MCC: variants seen among roughly 807,000 people sequenced by gnomAD.
MCC encodes colorectal mutant cancer protein.
A neutral mutation model predicts 116.2 loss-of-function variants in MCC; 90 were observed. The ratio of observed to expected loss-of-function variants is 0.77; its 90% confidence interval spans 0.65 to 0.92. The LOEUF (loss-of-function observed/expected upper bound fraction) is 0.92, where lower values mean the gene tolerates loss of function less well. Ranked by LOEUF, MCC falls within the 40% of genes least tolerant of loss-of-function variation. The probability of loss-of-function intolerance (pLI) is 0.00; values close to 1 mark genes in which losing one functional copy is unlikely to be tolerated. For missense variants in MCC, 1,516 were observed against 1,312.2 expected (o/e 1.16, Z -2.40); for synonymous variants, 578 against 510.5 (o/e 1.13, Z -1.78).
At chr5:113,361,335 T>C (rs1768543082) in intron 2 of MCC, among the ~76,000 whole-genome samples, 1 of 152,146 alleles carries the variant, frequency 6.6e-6, no homozygotes, top group Admixed American at 6.5e-5. Flanking sequence ...TTCTCATCTT[T>C]ATTATATTCT....
intron 3 of MCC, among the ~76,000 whole-genome samples, chr5:113,235,527 T>C (rs576754077): frequency 6.6e-6 from 1 of 152,324 alleles, no homozygotes; most frequent in Non-Finnish European, 1.5e-5. Flanking sequence ...TCCAACTCTA[T>C]CATGCATACA....
intron 11 of MCC, among the ~76,000 whole-genome samples, chr5:113,077,341 A>C (rs560870649): frequency 6.6e-6 from 1 of 152,328 alleles, no homozygotes; most frequent in African/African-American, 2.4e-5. Flanking sequence ...ACCCCAAATC[A>C]ACAGAATATA....
chr5:113,407,307 G>A lies in MCC; in HGVS notation c.171-22095C>T, dbSNP rs1446110721. Among the ~76,000 whole-genome samples the A allele has an allele frequency of 2.6e-5, 4 of 152,172 alleles. No individual in the cohort carries two copies. The South Asian group carries it at 6.2e-4, about 24-fold the overall frequency. On this transcript the variant is annotated intron_variant, in intron 1 of 18. Coordinates refer to ENST00000408903, the MANE Select transcript of MCC (RefSeq NM_001085377.2). ...TGTTAAAAAATGAAAACACTTTAAG[G>A]AGAAACTGGGTGGTAAGTGTATTAT...
At position 113,257,857 on chromosome 5, in the gene MCC, G is replaced by A. The variant is rs547192801; in HGVS notation, c.627+82662C>T. 8.5e-5 allele frequency among the ~76,000 whole-genome samples: 13 copies of A among 152,246 alleles called. No individual in the cohort carries two copies. The East Asian group carries it at 1.4e-3, about 16-fold the overall frequency. Reference sequence around the variant, plus strand: ...ACATGTTCCCGAGGGAGGGGAAAGCGTTCTATCTAGAGCACAGGTATAGAA... The same window carrying A: ...ACATGTTCCCGAGGGAGGGGAAAGCATTCTATCTAGAGCACAGGTATAGAA... On this transcript the variant is annotated intron_variant, in intron 3 of 18. Transcript: ENST00000408903.
At chr5:113,443,991 T>TTGTGTGTGTGTG (rs34145955) in intron 1 of MCC, among the ~76,000 whole-genome samples, 6,224 of 143,984 alleles carry the variant, frequency 0.043, 259 homozygotes, top group African/African-American at 0.093. Context: ...CTCGGCTAAT[T>TTGTGTGTGTGTG]TGTGTGTGTG....
At chr5:113,331,369 TC>T (rs1285661954) in intron 3 of MCC, among the ~76,000 whole-genome samples, 5 of 151,704 alleles carry the variant, frequency 3.3e-5, no homozygotes, top group Non-Finnish European at 7.3e-5. Context: ...CAGCAGCTGT[TC>T]CTTCTCTTGC....
chr5:113,084,633 G>A (rs1191931445), intron 9 of MCC, among the ~76,000 whole-genome samples: 8 of 152,240 alleles, frequency 5.3e-5, no homozygotes, highest in African/African-American at 1.4e-4. Flanking sequence ...TACCAGGCAA[G>A]CCAACAGGCA....
intron 1 of MCC, among the ~76,000 whole-genome samples, chr5:113,477,584 A>G (rs550549022): frequency 1.3e-5 from 2 of 152,360 alleles, no homozygotes; most frequent in African/African-American, 2.4e-5. Flanking sequence ...GGAAAATCCA[A>G]ACTGCACCCA....
intron 3 of MCC, among the ~76,000 whole-genome samples, chr5:113,296,166 G>A (rs1307363954): frequency 6.6e-6 from 1 of 152,144 alleles, no homozygotes; most frequent in East Asian, 1.9e-4. Flanking sequence ...CATTCTGCAT[G>A]GGGAGGAGAT....
chr5:113,216,429 C>T (rs527773137), intron 3 of MCC, among the ~76,000 whole-genome samples: 11 of 152,276 alleles, frequency 7.2e-5, no homozygotes, highest in South Asian at 2.1e-4. Context: ...CCCATGGCCC[C>T]TGAACATCCC....
chr5:113,481,267 T>C (rs994257784), intron 1 of MCC, among the ~76,000 whole-genome samples: 21 of 152,286 alleles, frequency 1.4e-4, no homozygotes, highest in African/African-American at 5.1e-4. Context: ...ATTTTAAAAT[T>C]CTAAGTGGTA....
intron 3 of MCC, among the ~76,000 whole-genome samples, chr5:113,281,499 C>G (rs1370649699): frequency 2.0e-5 from 3 of 152,142 alleles, no homozygotes; most frequent in African/African-American, 7.2e-5. Flanking sequence ...CTCCCATGAC[C>G]TCAATCATGA....
chr5:113,122,751 G>A lies in MCC; in HGVS notation c.960C>T (p.Ser320=), dbSNP rs1757809638. The part of the protein sequence containing the change: ...SQHEVNEDSR[S]MDQDQTSVSI... Reference sequence around the variant, plus strand: ...AGACAGAGGTCTGGTCTTGGTCCATGCTTCGAGAGTCCTCGTTGACCTCGT... The same window carrying A: ...AGACAGAGGTCTGGTCTTGGTCCATACTTCGAGAGTCCTCGTTGACCTCGT... The change falls in exon 6 of 19, where the codon AGC becomes AGT. Residue 320 remains serine (S), a synonymous_variant. Coordinates refer to ENST00000408903, the MANE Select transcript of MCC (RefSeq NM_001085377.2). 1 of 1,614,204 alleles carries A rather than the reference G, an allele frequency of 6.2e-7. No homozygotes were observed. The highest frequency in any genetic ancestry group is 1.7e-5 in the Admixed American group (1 of 60,030).
intron 17 of MCC, among the ~76,000 whole-genome samples, chr5:113,032,010 A>G (rs1028242482): frequency 6.6e-6 from 1 of 152,260 alleles, no homozygotes; most frequent in Non-Finnish European, 1.5e-5. Context: ...TTATTTAAAG[A>G]TGCAAAGACG....
intron 3 of MCC, among the ~76,000 whole-genome samples, chr5:113,179,404 CAGG>C (rs1761499229): frequency 6.6e-6 from 1 of 152,302 alleles, no homozygotes; most frequent in East Asian, 1.9e-4. Context: ...CTGTTAGTAA[CAGG>C]AGAAGTACTT....
chr5:113,437,189 G>A lies in MCC; in HGVS notation c.170+51056C>T, dbSNP rs936900033. The A allele has an allele frequency of 3.5e-4, 53 of 152,206 alleles. 1 individual carries two copies. Among genetic ancestry groups the A allele is most frequent in the African/African-American group, 1.3e-3 (53 of 41,536 alleles). 9.4% of individuals were successfully genotyped at this position (152,206 alleles called of 1,614,324 possible). A position where few individuals can be genotyped will look rare whatever the true frequency, so the allele number is the denominator to read the frequency against. Reference sequence around the variant, plus strand: ...CTAAAAAATTTATTTTGGTCCCAATGCTGTTTTCTTTATTGAGTTATCCTA... The same window carrying A: ...CTAAAAAATTTATTTTGGTCCCAATACTGTTTTCTTTATTGAGTTATCCTA... On this transcript the variant is annotated intron_variant, in intron 1 of 18. Transcript: ENST00000408903.
At chr5:113,262,003 T>A (rs1239977678) in intron 3 of MCC, among the ~76,000 whole-genome samples, 6 of 152,152 alleles carry the variant, frequency 3.9e-5, no homozygotes. Context: ...CTCTGATAAT[T>A]AAAAATTGGA....
At chr5:113,184,472 G>GTTTTTTTTTTT (rs200787776) in intron 3 of MCC, among the ~76,000 whole-genome samples, 6 of 123,790 alleles carry the variant, frequency 4.8e-5, no homozygotes, top group Non-Finnish European at 4.8e-5. Context: ...TTCTTTCTTC[G>GTTTTTTTTTTT]TTTTTTGTTT....
At chr5:113,107,446 G>A (rs1282290762) in intron 6 of MCC, among the ~76,000 whole-genome samples, 2 of 152,192 alleles carry the variant, frequency 1.3e-5, no homozygotes, top group African/African-American at 4.8e-5. Flanking sequence ...TCGAACTCCT[G>A]ACCTCAGTGC....
Sources: gnomAD v4.1 joint callset for allele counts (sites outside exome capture counted in the v4.1 genomes callset) on GRCh38, gnomAD v4.1.1 for gene constraint, MANE v1.5 for transcripts, NCBI Gene and HGNC (gene_info 2026-07-23, HGNC 2026-07-21) for gene names.